The following CDKL1 variants were observed in gnomAD, a reference collection of about 807,000 sequenced individuals.
CDKL1 encodes the protein cyclin dependent kinase like 1.
A neutral mutation model predicts 42.0 loss-of-function variants in CDKL1; 41 were observed. That is an observed-to-expected ratio of 0.98 (90% CI 0.76 to 1.27). The LOEUF (loss-of-function observed/expected upper bound fraction) is 1.27. Among genes scored for constraint, CDKL1 ranks in the 50% most tolerant of loss-of-function variants. CDKL1 has a pLI of 0.00. For synonymous variants in CDKL1, 153 were observed against 158.6 expected, an observed-to-expected ratio of 0.96 and a Z score of 0.26; for missense variants, 394 against 428.4, an observed-to-expected ratio of 0.92 and a Z score of 0.71.
intron 2 of CDKL1, among the ~76,000 whole-genome samples, chr14:50,384,629 A>T (rs1243509476): frequency 6.6e-6 from 1 of 151,958 alleles, no homozygotes; most frequent in African/African-American, 2.4e-5. Flanking sequence ...AAAATCCATG[A>T]ATCCACAGTG....
intron 2 of CDKL1, chr14:50,363,808 A>G (rs557075288): frequency 6.6e-6 from 1 of 152,368 alleles, no homozygotes; most frequent in South Asian, 2.1e-4. Flanking sequence ...GCCCCAGGAC[A>G]AGGCCCAAAG....
chr14:50,337,590 C>G (rs1254983155), intron 7 of CDKL1, among the ~76,000 whole-genome samples: 1 of 151,794 alleles, frequency 6.6e-6, no homozygotes, highest in Non-Finnish European at 1.5e-5. Flanking sequence ...TGTGCTCAAG[C>G]AATATTTCAC....
At position 50,342,121 on chromosome 14, in the gene CDKL1, T is replaced by G. The variant is rs747013417; in HGVS notation, c.454+11A>C. 6.2e-7 allele frequency: 1 copy of G among 1,609,052 alleles called. No homozygotes were observed. Among genetic ancestry groups the G allele is most frequent in the South Asian group, 1.1e-5 (1 of 90,990 alleles). Reference sequence around the variant, plus strand: ...TTTTTATACTTAACAAAAGAAAATGTCAATACTCACTCAAAAGCCGAGCAA... The same window carrying G: ...TTTTTATACTTAACAAAAGAAAATGGCAATACTCACTCAAAAGCCGAGCAA... On this transcript the variant is annotated intron_variant, in intron 5 of 9. Transcript: ENST00000395834.
chr14:50,345,094 G>T, intron 3 of CDKL1, 36 bp from the exon 4 acceptor site: 2 of 1,584,878 alleles, frequency 1.3e-6, no homozygotes, highest in Non-Finnish European at 1.7e-6. Context: ...ACATTCTTTA[G>T]TGTAGCCATG....
chr14:50,351,595 C>T (rs1163177878), intron 3 of CDKL1, among the ~76,000 whole-genome samples: 1 of 151,720 alleles, frequency 6.6e-6, no homozygotes, highest in Non-Finnish European at 1.5e-5. Flanking sequence ...ATTAGCCAAG[C>T]GTGGTGGCAG....
intron 2 of CDKL1, among the ~76,000 whole-genome samples, chr14:50,388,510 C>T (rs1478144377): frequency 6.6e-6 from 1 of 152,202 alleles, no homozygotes; most frequent in African/African-American, 2.4e-5. Context: ...TTGCCTCCAG[C>T]GCCTCCGTTG....
In CDKL1 at chr14:50,366,404, A is replaced by G. The variant is rs2034437018; in HGVS notation, c.169-7255T>C. Among the ~76,000 whole-genome samples the G allele has an allele frequency of 2.0e-5, 3 of 152,164 alleles. No homozygotes were observed. The South Asian group carries it at 6.2e-4, about 31-fold the overall frequency. On this transcript the variant is annotated intron_variant, in intron 2 of 9. Coordinates refer to ENST00000395834, the MANE Select transcript of CDKL1 (RefSeq NM_004196.7). ...CTTGGGTCACTTCAGCAACTGAAAG[A>G]CAGTGTGGCTGGTGGGTGAAGCTCG...
At chr14:50,332,963 A>C (rs924074165) in intron 8 of CDKL1, 1 of 291,968 alleles carries the variant, frequency 3.4e-6, no homozygotes, top group Non-Finnish European at 6.2e-6. Context: ...TTATAAGTAT[A>C]TATGATCATG....
chr14:50,344,626 C>T (rs954956139), intron 4 of CDKL1, among the ~76,000 whole-genome samples: 4 of 151,774 alleles, frequency 2.6e-5, no homozygotes, highest in Admixed American at 1.3e-4. Flanking sequence ...CACACCACCG[C>T]ACCCAGTTCA....
chr14:50,326,596 T>A lies in CDKL1; in HGVS notation c.*3478A>T, dbSNP rs78401946. 1.0e-6 allele frequency: 1 copy of A among 985,356 alleles called. No individual in the cohort carries two copies. The highest frequency in any genetic ancestry group is 1.7e-5 in the African/African-American group (1 of 57,242). 61.0% of individuals were successfully genotyped at this position (985,356 alleles called of 1,614,324 possible). A position where few individuals can be genotyped will look rare whatever the true frequency, so the allele number is the denominator to read the frequency against. On this transcript the variant is annotated 3_prime_UTR_variant, in exon 10 of 10. Transcript: ENST00000395834. ...AGACTTACTCAGAATCAACAGTTGC[T>A]GCTTAATTTGTCTATTTTGTAAGCT...
At chr14:50,382,319 A>G (rs2034934199) in intron 2 of CDKL1, among the ~76,000 whole-genome samples, 1 of 152,018 alleles carries the variant, frequency 6.6e-6, no homozygotes, top group Non-Finnish European at 1.5e-5. Flanking sequence ...CAGGCGTGGT[A>G]GCGGGCGCCT....
At chr14:50,332,039 C>T in intron 9 of CDKL1, 1 of 1,540,128 alleles carries the variant, frequency 6.5e-7, no homozygotes, top group Admixed American at 2.0e-5. Context: ...ACCCTGGCCC[C>T]TGTGTGGCAT....
At chr14:50,348,691 A>G (rs2033806219) in intron 3 of CDKL1, among the ~76,000 whole-genome samples, 1 of 152,248 alleles carries the variant, frequency 6.6e-6, no homozygotes, top group African/African-American at 2.4e-5. Flanking sequence ...CAGAGCTTCC[A>G]GTAGTTCCTT....
intron 8 of CDKL1, 22 bp from the exon 9 acceptor site, chr14:50,332,454 T>C (rs1400237396): frequency 3.9e-6 from 6 of 1,557,230 alleles, no homozygotes; most frequent in African/African-American, 1.5e-5. Context: ...GAAAATTCCT[T>C]CTTCTTACTT....
At chr14:50,352,626 A>C (rs963635772) in intron 3 of CDKL1, among the ~76,000 whole-genome samples, 1 of 144,828 alleles carries the variant, frequency 6.9e-6, no homozygotes, top group Non-Finnish European at 1.5e-5. Context: ...AAATACATAG[A>C]AAAGAATATT....
Position 50,326,275 on chromosome 14 carries a change from A to G in CDKL1, c.*3799T>C, listed in dbSNP as rs2032698938. 1 of 464,992 alleles carries G rather than the reference A, an allele frequency of 2.2e-6. No homozygotes were observed. Among genetic ancestry groups the G allele is most frequent in the Non-Finnish European group, 2.8e-6 (1 of 354,930 alleles). The allele number at this position is 464,992 out of a possible 1,614,324, so 28.8% of individuals were successfully genotyped here. A position where few individuals can be genotyped will look rare whatever the true frequency, so the allele number is the denominator to read the frequency against. ...GTAAACTAGGTAACATTTTAATTCT[A>G]ATATATTCATTTAATATGTAAATCT... is the stretch of plus-strand genomic sequence containing the variant. On this transcript the variant is annotated 3_prime_UTR_variant, in exon 10 of 10. Transcript: ENST00000395834.
intron 2 of CDKL1, among the ~76,000 whole-genome samples, chr14:50,386,786 C>T (rs1036673878): frequency 5.3e-5 from 8 of 151,844 alleles, no homozygotes; most frequent in South Asian, 4.2e-4. Flanking sequence ...ATTGGCTGGG[C>T]GCAGTGGCTC....
rs796264788 is a variant in CDKL1 at position 50,346,652 on chromosome 14, G to GT, written c.291-1595dup. Among the ~76,000 whole-genome samples, 138 of 142,078 alleles carry GT rather than the reference G, an allele frequency of 9.7e-4. 1 individual carries two copies. Among genetic ancestry groups the GT allele is most frequent in the Middle Eastern group, 3.8e-3 (1 of 266 alleles). The allele number at this position is 142,078 out of a possible 152,430, so 93.2% of individuals were successfully genotyped here. ...GATTATTCAATAAATTAAATTTTTG[G>GT]TTTTTTTTTTTTTTTTGAGATGGAG... On this transcript the variant is annotated intron_variant, in intron 3 of 9. Coordinates refer to ENST00000395834, the MANE Select transcript of CDKL1 (RefSeq NM_004196.7).
chr14:50,397,099 T>C, upstream of CDKL1: 1 of 1,359,362 alleles, frequency 7.4e-7, no homozygotes, highest in Admixed American at 2.0e-5. Context: ...ACCTGCTAGA[T>C]TTGCAAACTT....
Sources: allele counts gnomAD v4.1 joint callset (sites outside exome capture counted in the v4.1 genomes callset), GRCh38; gene constraint gnomAD v4.1.1; transcripts MANE v1.5; gene names NCBI Gene and HGNC (gene_info 2026-07-23, HGNC 2026-07-21).